The following IYD variants were observed in gnomAD, a reference collection of about 807,000 sequenced individuals.
The protein encoded by IYD is iodotyrosine deiodinase.
Under a neutral mutation model 28.4 loss-of-function variants are expected in IYD, and 25 were observed. That is an observed-to-expected ratio of 0.88 (90% CI 0.64 to 1.23). The LOEUF is 1.23. IYD is among the 50% of genes most tolerant of loss of function. The pLI is 0.00. For missense variants in IYD, 352 were observed against 357.9 expected (o/e 0.98, Z 0.13); for synonymous variants, 140 against 130.8 (o/e 1.07, Z -0.48).
chr6:150,380,994 G>A (rs528275516), intron 1 of IYD, among the ~76,000 whole-genome samples: 29 of 152,138 alleles, frequency 1.9e-4, no homozygotes, highest in Non-Finnish European at 2.6e-4. Flanking sequence ...CAGGAAAATC[G>A]TCAGAGGTTT....
chr6:150,383,815 C>CAAA (rs1173122063), intron 1 of IYD, among the ~76,000 whole-genome samples: 8 of 36,084 alleles, frequency 2.2e-4, no homozygotes, highest in African/African-American at 7.5e-4. Flanking sequence ...AAAACAAAAA[C>CAAA]AAAAACAAAA....
chr6:150,372,899 A>G (rs1436748872), intron 1 of IYD, among the ~76,000 whole-genome samples: 1 of 152,168 alleles, frequency 6.6e-6, no homozygotes, highest in Non-Finnish European at 1.5e-5. Context: ...CCAAGAAAGA[A>G]GAGTTGCTGA....
At chr6:150,389,293 C>G (rs918452794) in intron 1 of IYD, 59 bp from the exon 2 acceptor site, 3 of 1,286,264 alleles carry the variant, frequency 2.3e-6, no homozygotes, top group Non-Finnish European at 3.4e-6. Context: ...TTCTCCCCAG[C>G]GGTCACCTTA....
At chr6:150,396,619 A>G (rs1026469261) in intron 4 of IYD, 4 of 518,170 alleles carry the variant, frequency 7.7e-6, no homozygotes, top group African/African-American at 6.0e-5. Context: ...TCACGCCTCT[A>G]ATCCCAGCAC....
intron 1 of IYD, among the ~76,000 whole-genome samples, chr6:150,385,631 T>C (rs1413203985): frequency 1.3e-5 from 2 of 152,004 alleles, no homozygotes; most frequent in Admixed American, 6.6e-5. Flanking sequence ...TGTACCATGT[T>C]TGTGAGGAAG....
Position 150,392,492 on chromosome 6 carries a change from T to G in IYD, c.518T>G (p.Leu173Arg), listed in dbSNP as rs773332834. 3.7e-6 allele frequency: 6 copies of G among 1,613,932 alleles called. No homozygotes were observed. The South Asian group carries it at 6.6e-5, about 18-fold the overall frequency. ...ATGGGACATCGCTGGGTCACAGACC[T>G]CAAGAAACTGAGGTACAAACAGTGG... Reference protein sequence around the residue: ...KRMGHRWVTDLKKLRTNWIKE... With the variant: ...KRMGHRWVTDRKKLRTNWIKE... The change falls in exon 3 of 5, where the codon CTC becomes CGC. Residue 173 changes from leucine (L) to arginine (R), a missense_variant. Physicochemically the swap from Leu to Arg is moderately radical, Grantham distance 102. Transcript: ENST00000344419.
rs542889532 is a variant in IYD at position 150,378,554 on chromosome 6, T to A, written c.178+9345T>A. Reference sequence around the variant, plus strand: ...ATGGTGTATATGTGCTCACCATCACTGGCCATCAGAGAAATGCAAATCAAA... The same window carrying A: ...ATGGTGTATATGTGCTCACCATCACAGGCCATCAGAGAAATGCAAATCAAA... On this transcript the variant is annotated intron_variant, in intron 1 of 4. Transcript: ENST00000344419. Among the ~76,000 whole-genome samples the A allele has an allele frequency of 4.6e-5, 7 of 152,216 alleles. No individual in the cohort carries two copies. The South Asian group carries it at 1.4e-3, about 32-fold the overall frequency.
intron 1 of IYD, among the ~76,000 whole-genome samples, chr6:150,378,341 C>CA (rs1242536970): frequency 1.3e-5 from 2 of 151,218 alleles, no homozygotes; most frequent in African/African-American, 4.9e-5. Context: ...CCCCCCACCC[C>CA]ACAACAGTCC....
chr6:150,369,941 A>G lies in IYD; in HGVS notation c.178+732A>G, dbSNP rs979749454. ...GAATTGAGGGTGGAGGGAGAGGGTAAGAATGGAAGTAGAGAATTGAGGGCG... is the reference window on the plus strand; with the variant it reads ...GAATTGAGGGTGGAGGGAGAGGGTAGGAATGGAAGTAGAGAATTGAGGGCG... On this transcript the variant is annotated intron_variant, in intron 1 of 4. Coordinates refer to ENST00000344419, the MANE Select transcript of IYD (RefSeq NM_203395.3). 6 of 701,778 alleles carry G rather than the reference A, an allele frequency of 8.5e-6. No individual in the cohort carries two copies. The African/African-American group carries it at 1.0e-4, about 12-fold the overall frequency. 43.5% of individuals were successfully genotyped at this position (701,778 alleles called of 1,614,324 possible). A position where few individuals can be genotyped will look rare whatever the true frequency, so the allele number is the denominator to read the frequency against.
intron 4 of IYD, among the ~76,000 whole-genome samples, 191 bp from the exon 5 acceptor site, chr6:150,397,864 G>A (rs1227528054): frequency 1.3e-5 from 2 of 151,906 alleles, no homozygotes; most frequent in South Asian, 2.1e-4. Context: ...AAGAAGGGAG[G>A]GGGTGGGGAG....
chr6:150,397,971 C>T (rs1013692454), intron 4 of IYD, 84 bp from the exon 5 acceptor site: 5 of 1,319,528 alleles, frequency 3.8e-6, no homozygotes, highest in African/African-American at 1.4e-5. Context: ...CAGGTATAAT[C>T]AGGACAAGAA....
At chr6:150,383,335 C>A (rs1055365854) in intron 1 of IYD, among the ~76,000 whole-genome samples, 1 of 152,084 alleles carries the variant, frequency 6.6e-6, no homozygotes, top group Non-Finnish European at 1.5e-5. Flanking sequence ...TGTCATCATC[C>A]TTTATCTCAG....
At chr6:150,372,133 G>C (rs928936279) in intron 1 of IYD, among the ~76,000 whole-genome samples, 1 of 152,212 alleles carries the variant, frequency 6.6e-6, no homozygotes, top group African/African-American at 2.4e-5. Flanking sequence ...GGTAAAATAA[G>C]TATTGTAGGC....
rs772242291 is a variant in IYD at position 150,369,144 on chromosome 6, C to G, written c.113C>G (p.Ala38Gly). ...AAGAAGGGGGAGCCTAGAACCAGGG[C>G]CGAAGCTCGCCCCTGGGTGGATGAA... ...EKKKGEPRTR[A>G]EARPWVDEDL... The change falls in exon 1 of 5, where the codon GCC becomes GGC. Residue 38 changes from alanine to glycine, a missense_variant. Ala to Gly is a moderately conservative substitution (Grantham distance 60). Coordinates refer to ENST00000344419, the MANE Select transcript of IYD (RefSeq NM_203395.3). The G allele has an allele frequency of 1.9e-6, 3 of 1,613,844 alleles. No individual in the cohort carries two copies. Among genetic ancestry groups the G allele is most frequent in the Non-Finnish European group, 2.5e-6 (3 of 1,179,970 alleles).
rs186350578 is a variant in IYD, at chr6:150,382,352, C to G, written c.179-7000C>G. Among the ~76,000 whole-genome samples the G allele has an allele frequency of 7.0e-4, 106 of 152,218 alleles. 1 individual carries two copies. Among genetic ancestry groups the G allele is most frequent in the Non-Finnish European group, 1.1e-3 (73 of 68,004 alleles). On this transcript the variant is annotated intron_variant, in intron 1 of 4. Coordinates refer to ENST00000344419, the MANE Select transcript of IYD (RefSeq NM_203395.3). ...CTCTCCCTTCCATAGGTTTTGATCCCAAAGCTACTTCCTATAAACATTCCA... is the reference window on the plus strand; with the variant it reads ...CTCTCCCTTCCATAGGTTTTGATCCGAAAGCTACTTCCTATAAACATTCCA...
rs1778485819 is a variant in IYD, at chr6:150,400,728, A to C, written c.*2491A>C. On this transcript the variant is annotated 3_prime_UTR_variant, in exon 5 of 5. Transcript: ENST00000344419. ...ACCACCTGGGCGCTTGTTAGAATCA[A>C]AGACTCTCAGGCCTCACCTAGACAT... 6.6e-6 allele frequency: 1 copy of C among 152,180 alleles called. No individual in the cohort carries two copies. The highest frequency in any genetic ancestry group is 1.9e-4 in the East Asian group (1 of 5,192). The allele number at this position is 152,180 out of a possible 1,614,324, so 9.4% of individuals were successfully genotyped here. A position where few individuals can be genotyped will look rare whatever the true frequency, so the allele number is the denominator to read the frequency against.
chr6:150,383,012 G>T (rs1009595410), intron 1 of IYD, among the ~76,000 whole-genome samples: 15 of 152,118 alleles, frequency 9.9e-5, no homozygotes, highest in African/African-American at 2.9e-4. Context: ...ATTTTTCATT[G>T]TTTGCTAGTC....
At chr6:150,376,348 C>T (rs898024248) in intron 1 of IYD, among the ~76,000 whole-genome samples, 1 of 152,032 alleles carries the variant, frequency 6.6e-6, no homozygotes, top group African/African-American at 2.4e-5. Flanking sequence ...CGCCAATAAC[C>T]CAGTGGGGTC....
rs910159963 is a variant in IYD, at chr6:150,405,471, G to A, written c.*7234G>A. ...CTGCTAATAAAGAATACCTGAGACT[G>A]AGTAATTTATAAAGGAAGGAGGTTT... is the stretch of plus-strand genomic sequence containing the variant. On this transcript the variant is annotated 3_prime_UTR_variant, in exon 5 of 5. Transcript: ENST00000344419. 2 of 152,186 alleles carry A rather than the reference G, an allele frequency of 1.3e-5. No homozygotes were observed. Among genetic ancestry groups the A allele is most frequent in the African/African-American group, 4.8e-5 (2 of 41,434 alleles). 9.4% of individuals were successfully genotyped at this position (152,186 alleles called of 1,614,324 possible). A position where few individuals can be genotyped will look rare whatever the true frequency, so the allele number is the denominator to read the frequency against.
Sources: allele counts gnomAD v4.1 joint callset (sites outside exome capture counted in the v4.1 genomes callset), GRCh38; gene constraint gnomAD v4.1.1; transcripts MANE v1.5; gene names NCBI Gene and HGNC (gene_info 2026-07-23, HGNC 2026-07-21).